SLC26A8: variants seen among roughly 807,000 people sequenced by gnomAD.
SLC26A8 encodes the protein solute carrier family 26 member 8.
Under a neutral mutation model 105.0 loss-of-function variants are expected in SLC26A8, and 70 were observed. The observed-to-expected ratio is 0.67, with a 90% CI of 0.55 to 0.81. The LOEUF is 0.81. Ranked by LOEUF, SLC26A8 falls within the 40% of genes least tolerant of loss-of-function variation. The pLI is 0.00. For synonymous variants in SLC26A8, 415 were observed against 438.3 expected (o/e 0.95, Z 0.66); for missense variants, 998 against 1,181.8 (o/e 0.84, Z 2.28).
chr6:35,972,506 G>A lies in SLC26A8; in HGVS notation c.1287+2869C>T, dbSNP rs114354699. Among the ~76,000 whole-genome samples the A allele has an allele frequency of 6.6e-3, 998 of 152,272 alleles. 13 individuals are homozygous for A. Among genetic ancestry groups the A allele is most frequent in the African/African-American group, 0.023 (936 of 41,542 alleles). On this transcript the variant is annotated intron_variant, in intron 10 of 19. Coordinates refer to ENST00000490799, the MANE Select transcript of SLC26A8 (RefSeq NM_052961.4). ...CATAGGTCTTTTCTGGTCCAGATTA[G>A]GAACTCAAGAGTATAGTCTGGGCAG...
intron 16 of SLC26A8, 136 bp downstream of exon 16, chr6:35,959,324 C>T: frequency 1.0e-6 from 1 of 969,030 alleles, no homozygotes. Context: ...AACCTTGTAT[C>T]TTAATTTCTG....
chr6:35,955,489 A>C lies in SLC26A8; in HGVS notation c.1895T>G (p.Leu632Arg), dbSNP rs768268138. ...ILYTERFENK[L>R]DPEASSINLI... is the part of the protein sequence containing the mutation. ...GTTAATGGAGGATGCTTCGGGATCC[A>C]GTTTATTTTCAAATCGCTCTGTGTA... Residue 632 changes from leucine to arginine, a missense_variant, in exon 17 of 20, where the codon CTG becomes CGG. Physicochemically the swap from Leu to Arg is moderately radical, Grantham distance 102. Transcript: ENST00000490799. 5.0e-6 allele frequency: 8 copies of C among 1,614,148 alleles called. No homozygotes were observed. In the South Asian group the frequency reaches 8.8e-5, roughly 18 times the overall value.
At chr6:35,947,549 G>A (rs1771717716) in intron 19 of SLC26A8, among the ~76,000 whole-genome samples, 1 of 152,146 alleles carries the variant, frequency 6.6e-6, no homozygotes, top group African/African-American at 2.4e-5. Context: ...AAACCTCTTA[G>A]GAATAGTAAA....
At chr6:35,953,458 C>T (rs978886701) in intron 17 of SLC26A8, among the ~76,000 whole-genome samples, 3 of 152,172 alleles carry the variant, frequency 2.0e-5, no homozygotes, top group African/African-American at 7.2e-5. Flanking sequence ...GCCTGTCTCT[C>T]AAGGCAGTTG....
chr6:35,967,180 G>T (rs1581640946), intron 11 of SLC26A8, among the ~76,000 whole-genome samples: 1 of 152,246 alleles, frequency 6.6e-6, no homozygotes, highest in South Asian at 2.1e-4. Flanking sequence ...CAAGGTCCTT[G>T]AATCATATGA....
chr6:35,963,349 A>G (rs1203243338), intron 11 of SLC26A8, among the ~76,000 whole-genome samples: 1 of 152,080 alleles, frequency 6.6e-6, no homozygotes, highest in Non-Finnish European at 1.5e-5. Context: ...ATAAGTAACA[A>G]AATTTTCTAT....
At chr6:35,949,809 G>GT (rs1562014393) in intron 19 of SLC26A8, among the ~76,000 whole-genome samples, 1 of 149,996 alleles carries the variant, frequency 6.7e-6, no homozygotes, top group African/African-American at 2.4e-5. Context: ...GTGTGTGTGT[G>GT]TTTTTTTGTT....
At chr6:35,967,532 G>A (rs992355354) in intron 11 of SLC26A8, among the ~76,000 whole-genome samples, 3 of 152,186 alleles carry the variant, frequency 2.0e-5, no homozygotes, top group Non-Finnish European at 2.9e-5. Context: ...ACAAAGGGAA[G>A]AATGACACAT....
At chr6:36,019,288 A>G (rs1762069160) in intron 2 of SLC26A8, among the ~76,000 whole-genome samples, 5 of 152,132 alleles carry the variant, frequency 3.3e-5, no homozygotes. Flanking sequence ...GAATTATGAA[A>G]TATCCTCCTT....
Position 35,974,075 on chromosome 6 carries a change from T to C in SLC26A8, c.1287+1300A>G, listed in dbSNP as rs1450160024. On this transcript the variant is annotated intron_variant, in intron 10 of 19. Coordinates refer to ENST00000490799, the MANE Select transcript of SLC26A8 (RefSeq NM_052961.4). ...GTTCATGCCTGTAATCCCAGCACTT[T>C]GGGAGGCCAAGGCAGGCAGATCACT... 2.6e-5 allele frequency among the ~76,000 whole-genome samples: 4 copies of C among 152,342 alleles called. No homozygotes were observed. In the East Asian group the frequency reaches 7.7e-4, roughly 29 times the overall value.
Position 35,951,467 on chromosome 6 carries a change from C to A in SLC26A8, c.2265G>T (p.Leu755Phe). The A allele has an allele frequency of 6.2e-7, 1 of 1,614,118 alleles. No individual in the cohort carries two copies. The highest frequency in any genetic ancestry group is 1.1e-5 in the South Asian group (1 of 91,074). ...ICNAFQNANI[L>F]ILIAGCHSSI... ...CACAGTGACACCCTGCAATGAGTATCAAAATGTTGGCGTTTTGAAAGGCAT... is the reference window on the plus strand; with the variant it reads ...CACAGTGACACCCTGCAATGAGTATAAAAATGTTGGCGTTTTGAAAGGCAT... The change falls in exon 18 of 20, where the codon TTG (leucine) becomes TTT (phenylalanine). Residue 755 changes from leucine to phenylalanine, a missense_variant. Physicochemically the swap from Leu to Phe is conservative, Grantham distance 22. Transcript: ENST00000490799.
chr6:35,975,636 G>A (rs911852512), intron 9 of SLC26A8, 148 bp from the exon 10 acceptor site: 50 of 575,892 alleles, frequency 8.7e-5, no homozygotes, highest in Non-Finnish European at 1.3e-4. Flanking sequence ...TTAGAAGGCC[G>A]GATGAGGTGG....
chr6:36,002,685 TC>T (rs1761557707), intron 3 of SLC26A8, among the ~76,000 whole-genome samples: 2 of 150,794 alleles, frequency 1.3e-5, no homozygotes, highest in Non-Finnish European at 2.9e-5. Context: ...TGCAAGTATC[TC>T]CCATTTTGTG....
chr6:35,962,702 G>A, intron 11 of SLC26A8, 81 bp from the exon 12 acceptor site: 1 of 1,319,138 alleles, frequency 7.6e-7, no homozygotes, highest in Non-Finnish European at 1.1e-6. Context: ...ATCACAAAAA[G>A]TTAGCCTTGC....
intron 19 of SLC26A8, among the ~76,000 whole-genome samples, chr6:35,947,899 T>G (rs2127286299): frequency 6.6e-6 from 1 of 152,180 alleles, no homozygotes; most frequent in East Asian, 1.9e-4. Flanking sequence ...CCACTGCACT[T>G]CAGCCTGGGT....
intron 8 of SLC26A8, among the ~76,000 whole-genome samples, chr6:35,979,482 A>C (rs1773184883): frequency 6.6e-6 from 1 of 152,078 alleles, no homozygotes. Context: ...TCTCAAAAAA[A>C]ATAATAAAAT....
At chr6:35,994,919 G>A (rs1761310696) in intron 5 of SLC26A8, among the ~76,000 whole-genome samples, 1 of 152,182 alleles carries the variant, frequency 6.6e-6, no homozygotes. Context: ...TCTCCTTTAA[G>A]GAGTGTGGTG....
chr6:35,961,147 A>T (rs752477239), intron 12 of SLC26A8, 48 bp from the exon 13 acceptor site: 5 of 1,468,858 alleles, frequency 3.4e-6, no homozygotes, highest in African/African-American at 2.8e-5. Context: ...AACAAGTTCA[A>T]CTGAGAAAAT....
intron 17 of SLC26A8, among the ~76,000 whole-genome samples, chr6:35,951,709 G>T (rs1771879887): frequency 6.6e-6 from 1 of 152,094 alleles, no homozygotes; most frequent in African/African-American, 2.4e-5. Context: ...CTCCCAAGTA[G>T]CTGAGACTAC....
Sources: gnomAD v4.1 joint callset for allele counts (sites outside exome capture counted in the v4.1 genomes callset) on GRCh38, gnomAD v4.1.1 for gene constraint, MANE v1.5 for transcripts, NCBI Gene and HGNC (gene_info 2026-07-23, HGNC 2026-07-21) for gene names.